Variants in PSD3 observed in about 807,000 individuals in gnomAD.
PSD3 encodes the protein PH and SEC7 domain-containing protein 3.
A neutral mutation model predicts 105.5 loss-of-function variants in PSD3; 49 were observed. That is an observed-to-expected ratio of 0.46 (90% CI 0.37 to 0.59). The LOEUF (loss-of-function observed/expected upper bound fraction) is 0.59, where lower values mean the gene tolerates loss of function less well. Among genes scored for constraint, PSD3 ranks in the 20% least tolerant of loss-of-function variants. The pLI is 0.00. For missense variants in PSD3, 1,561 were observed against 1,263.8 expected, an observed-to-expected ratio of 1.24 and a Z score of -3.57; for synonymous variants, 557 against 457.8, an observed-to-expected ratio of 1.22 and a Z score of -2.77.
chr8:18,902,196 A>C (rs1005937220), intron 2 of PSD3, among the ~76,000 whole-genome samples: 2 of 152,038 alleles, frequency 1.3e-5, no homozygotes, highest in Non-Finnish European at 2.9e-5. Flanking sequence ...ACAAATATTT[A>C]TTTACTTAAT....
At chr8:18,947,677 C>T (rs1052604833) in intron 1 of PSD3, among the ~76,000 whole-genome samples, 2 of 152,184 alleles carry the variant, frequency 1.3e-5, no homozygotes, top group Non-Finnish European at 2.9e-5. Context: ...ATGAATCTTC[C>T]TTTGGTAACC....
intron 10 of PSD3, among the ~76,000 whole-genome samples, chr8:18,647,138 A>C (rs930737951): frequency 1.3e-5 from 2 of 152,226 alleles, no homozygotes; most frequent in African/African-American, 4.8e-5. Context: ...TCCTAATTTC[A>C]GCAAATCAGC....
intron 8 of PSD3, among the ~76,000 whole-genome samples, chr8:18,793,140 A>T (rs1411941550): frequency 1.3e-5 from 2 of 152,096 alleles, no homozygotes; most frequent in Non-Finnish European, 2.9e-5. Flanking sequence ...ACACTTGGAC[A>T]CAGGGTGGGG....
intron 9 of PSD3, among the ~76,000 whole-genome samples, chr8:18,694,349 G>A (rs1409337195): frequency 1.3e-5 from 2 of 152,212 alleles, no homozygotes; most frequent in Non-Finnish European, 2.9e-5. Context: ...GGTGGCGCAC[G>A]TCTGTAATCC....
intron 14 of PSD3, among the ~76,000 whole-genome samples, chr8:18,567,948 T>C (rs775515640): frequency 1.3e-5 from 2 of 152,226 alleles, no homozygotes; most frequent in Non-Finnish European, 2.9e-5. Context: ...GCCACGCTTA[T>C]GATAATGAGG....
intron 4 of PSD3, among the ~76,000 whole-genome samples, chr8:18,817,398 T>C (rs2039154727): frequency 6.6e-6 from 1 of 152,174 alleles, no homozygotes; most frequent in African/African-American, 2.4e-5. Context: ...CTGTAGGTCA[T>C]GGATTCAGAG....
chr8:18,552,578 GC>G (rs1467798578), intron 15 of PSD3, among the ~76,000 whole-genome samples: 1 of 152,126 alleles, frequency 6.6e-6, no homozygotes, highest in Non-Finnish European at 1.5e-5. Context: ...ACATCGATCT[GC>G]CCCAGAACTT....
Position 18,535,515 on chromosome 8 carries a change from C to T in PSD3, c.*228G>A, listed in dbSNP as rs1799800506. 1.9e-6 allele frequency: 1 copy of T among 536,258 alleles called. No homozygotes were observed. The highest frequency in any genetic ancestry group is 3.3e-5 in the Admixed American group (1 of 30,682). 33.2% of individuals were successfully genotyped at this position (536,258 alleles called of 1,614,324 possible). A position where few individuals can be genotyped will look rare whatever the true frequency, so the allele number is the denominator to read the frequency against. ...TCTGAAATCACGATCCCCTCCTCCT[C>T]ACAGAAAAGGTGCATTAGCTATCAA... On this transcript the variant is annotated 3_prime_UTR_variant, in exon 16 of 16. Transcript: ENST00000327040.
At chr8:18,743,168 A>G (rs906325956) in intron 9 of PSD3, among the ~76,000 whole-genome samples, 11 of 152,196 alleles carry the variant, frequency 7.2e-5, no homozygotes, top group African/African-American at 2.7e-4. Flanking sequence ...GTTCACTGAA[A>G]ATCAACTGGC....
intron 1 of PSD3, among the ~76,000 whole-genome samples, chr8:19,054,804 AC>A (rs1326558997): frequency 6.6e-6 from 1 of 152,258 alleles, no homozygotes; most frequent in Non-Finnish European, 1.5e-5. Context: ...ATCCTGATAG[AC>A]CTGAAATTCT....
At chr8:18,736,402 A>C (rs1438895644) in intron 9 of PSD3, among the ~76,000 whole-genome samples, 1 of 152,168 alleles carries the variant, frequency 6.6e-6, no homozygotes, top group Non-Finnish European at 1.5e-5. Context: ...ACACCATGAA[A>C]ATTTTTAAAT....
upstream of PSD3, among the ~76,000 whole-genome samples, chr8:19,018,361 A>T (rs544153554): frequency 7.2e-3 from 393 of 54,946 alleles, 2 homozygotes; most frequent in African/African-American, 0.021. Flanking sequence ...GCTCTTTTTA[A>T]AAAAAAAAAA....
chr8:18,949,238 AAAAAAAATATATAT>A (rs1338701952), intron 1 of PSD3, among the ~76,000 whole-genome samples: 10 of 43,810 alleles, frequency 2.3e-4, no homozygotes, highest in African/African-American at 6.2e-4. Context: ...AAAAAAAAAA[AAAAAAAATATATAT>A]ATATATATAT....
intron 11 of PSD3, among the ~76,000 whole-genome samples, chr8:18,627,849 AT>A: frequency 6.6e-6 from 1 of 152,126 alleles, no homozygotes; most frequent in Admixed American, 6.6e-5. Context: ...CAGAAAAAAA[AT>A]AATGCAACAG....
At chr8:18,632,529 C>G in intron 11 of PSD3, 84 bp downstream of exon 11, 1 of 1,432,682 alleles carries the variant, frequency 7.0e-7, no homozygotes, top group Non-Finnish European at 9.6e-7. Context: ...TTTTTTCATC[C>G]TTGACTTTCA....
chr8:18,947,247 G>C (rs1822924863), intron 1 of PSD3, among the ~76,000 whole-genome samples: 1 of 152,212 alleles, frequency 6.6e-6, no homozygotes, highest in Non-Finnish European at 1.5e-5. Flanking sequence ...GTTAGAAACA[G>C]CATGGAAACC....
At chr8:19,002,225 A>G (rs1826439164) in intron 1 of PSD3, among the ~76,000 whole-genome samples, 1 of 151,984 alleles carries the variant, frequency 6.6e-6, no homozygotes, top group African/African-American at 2.4e-5. Flanking sequence ...TTCAAGCAAA[A>G]TCACACCTAC....
rs139817351 is a variant in PSD3, at chr8:18,802,217, G to C, written c.1911-835C>G. On this transcript the variant is annotated intron_variant, in intron 6 of 15. Transcript: ENST00000327040. ...ATTTATTCCTTACATAATGGAATTA[G>C]TTTATGTATAAAAATATCTTTAAAT... The C allele has an allele frequency of 9.4e-3, 2,235 of 237,282 alleles. 39 individuals carry two copies. The highest frequency in any genetic ancestry group is 0.044 in the Admixed American group (971 of 22,296). 14.7% of individuals were successfully genotyped at this position (237,282 alleles called of 1,614,324 possible).
At chr8:18,670,879 G>T (rs1479862293) in intron 9 of PSD3, among the ~76,000 whole-genome samples, 2 of 151,948 alleles carry the variant, frequency 1.3e-5, no homozygotes, top group African/African-American at 4.8e-5. Flanking sequence ...CAGGGTGGGG[G>T]GATTTTCAAT....
Sources: allele counts gnomAD v4.1 joint callset (sites outside exome capture counted in the v4.1 genomes callset), GRCh38; gene constraint gnomAD v4.1.1; transcripts MANE v1.5; gene names NCBI Gene and HGNC (gene_info 2026-07-23, HGNC 2026-07-21).